CBL: variants seen among roughly 807,000 people sequenced by gnomAD.
CBL encodes the protein E3 ubiquitin-protein ligase CBL.
In CBL, 45 loss-of-function variants were observed where a neutral mutation model predicts 96.9. The observed-to-expected ratio is 0.46, with a 90% CI of 0.37 to 0.60. CBL has a LOEUF of 0.60. Ranked by LOEUF, CBL falls within the 20% of genes least tolerant of loss-of-function variation. CBL has a pLI of 0.00. For synonymous variants in CBL, 420 were observed against 426.8 expected, an observed-to-expected ratio of 0.98 and a Z score of 0.20; for missense variants, 1,024 against 1,143.5, an observed-to-expected ratio of 0.90 and a Z score of 1.51.
chr11:119,265,028 C>CA (rs1226250031), intron 2 of CBL, among the ~76,000 whole-genome samples: 1 of 151,874 alleles, frequency 6.6e-6, no homozygotes, highest in Non-Finnish European at 1.5e-5. Context: ...AGCTGTGCAC[C>CA]ACCATACCTG....
chr11:119,245,694 G>A (rs372120446), intron 2 of CBL, among the ~76,000 whole-genome samples: 15 of 152,108 alleles, frequency 9.9e-5, no homozygotes, highest in African/African-American at 2.4e-4. Context: ...GTGCCATTGC[G>A]CTCCAGCCTG....
At chr11:119,265,260 A>G (rs1266698919) in intron 2 of CBL, among the ~76,000 whole-genome samples, 4 of 152,196 alleles carry the variant, frequency 2.6e-5, no homozygotes, top group Non-Finnish European at 5.9e-5. Flanking sequence ...TCTTTAAACC[A>G]TTTTTAAGAG....
At chr11:119,299,430 T>A in intron 15 of CBL, 65 bp from the exon 16 acceptor site, 1 of 1,435,520 alleles carries the variant, frequency 7.0e-7, no homozygotes, top group Non-Finnish European at 9.8e-7. Context: ...TAGCACATTT[T>A]TATTGCTGTT....
intron 1 of CBL, among the ~76,000 whole-genome samples, chr11:119,224,585 TA>T (rs1320319698): frequency 6.6e-6 from 1 of 152,148 alleles, no homozygotes; most frequent in African/African-American, 2.4e-5. Context: ...AAGAAAACAT[TA>T]TTTTTTGTAT....
chr11:119,207,330 A>G (rs1462277274), intron 1 of CBL, among the ~76,000 whole-genome samples: 1 of 152,204 alleles, frequency 6.6e-6, no homozygotes, highest in Non-Finnish European at 1.5e-5. Context: ...TAGAACTATT[A>G]TCTTCTGAAA....
At chr11:119,230,052 T>C (rs1043894309) in intron 1 of CBL, among the ~76,000 whole-genome samples, 1 of 152,262 alleles carries the variant, frequency 6.6e-6, no homozygotes, top group South Asian at 2.1e-4. Flanking sequence ...TGGGGGGAGA[T>C]GGTTAAGATA....
At chr11:119,290,460 G>T (rs1380126941) in intron 12 of CBL, among the ~76,000 whole-genome samples, 1 of 150,746 alleles carries the variant, frequency 6.6e-6, no homozygotes, top group African/African-American at 2.4e-5. Context: ...GACCATCCTG[G>T]CTAATGCGGT....
chr11:119,276,838 C>T (rs1190937944), intron 6 of CBL, among the ~76,000 whole-genome samples: 1 of 152,210 alleles, frequency 6.6e-6, no homozygotes, highest in Non-Finnish European at 1.5e-5. Context: ...GTGGATCTCC[C>T]TGGTAGATGA....
chr11:119,284,525 C>T (rs1184138864), intron 9 of CBL, among the ~76,000 whole-genome samples: 3 of 152,170 alleles, frequency 2.0e-5, no homozygotes, highest in African/African-American at 7.2e-5. Context: ...TCTCGAACTC[C>T]TGCCTCCCAA....
intron 12 of CBL, among the ~76,000 whole-genome samples, chr11:119,294,803 A>AG (rs1239215449): frequency 3.3e-5 from 5 of 151,846 alleles, no homozygotes; most frequent in African/African-American, 4.8e-5. Context: ...AAGGAAAAAA[A>AG]AAAAAGGAAA....
chr11:119,274,983 C>A, intron 5 of CBL, 30 bp downstream of exon 5: 2 of 1,600,650 alleles, frequency 1.2e-6, no homozygotes, highest in Non-Finnish European at 1.7e-6. Flanking sequence ...GAGATTTATT[C>A]TTCTGAATTT....
intron 1 of CBL, among the ~76,000 whole-genome samples, chr11:119,216,903 A>T (rs549741365): frequency 6.6e-6 from 1 of 152,270 alleles, no homozygotes; most frequent in Non-Finnish European, 1.5e-5. Flanking sequence ...GAGAAATAGC[A>T]TTGATTGCCC....
In CBL at chr11:119,303,284, C is replaced by T. The variant is rs1950113873; in HGVS notation, c.*3503C>T. The T allele has an allele frequency of 2.1e-5, 5 of 232,666 alleles. No individual in the cohort carries two copies. The highest frequency in any genetic ancestry group is 1.1e-4 in the Admixed American group (2 of 17,752). The allele number at this position is 232,666 out of a possible 1,614,324, so 14.4% of individuals were successfully genotyped here. ...CTCAAACTATAAGTCCCTCTTCTTG[C>T]CGTTGGCCTTTCTGACTCTGGAATG... On this transcript the variant is annotated 3_prime_UTR_variant, in exon 16 of 16. Coordinates refer to ENST00000264033, the MANE Select transcript of CBL (RefSeq NM_005188.4).
rs142904236 is a variant in CBL, at chr11:119,263,437, G to GTGT, written c.444-8297_444-8295dup. ...TTCCCATTTACTTGGTGAGTTAGAT[G>GTGT]TGTCCCCTTTAGCTTTAGAATTCAG... On this transcript the variant is annotated intron_variant, in intron 2 of 15. Transcript: ENST00000264033. 4.4e-3 allele frequency among the ~76,000 whole-genome samples: 664 copies of GTGT among 152,290 alleles called. 5 individuals carry two copies. The highest frequency in any genetic ancestry group is 7.7e-3 in the Non-Finnish European group (526 of 68,016).
At position 119,251,916 on chromosome 11, in the gene CBL, G is replaced by A. The variant is rs574170029; in HGVS notation, c.443+19221G>A. Reference sequence around the variant, plus strand: ...TAAATTAGGACATCTTAAAGAACAAGCCCCAAAACTGGCTACAAGAACGTC... The same window carrying A: ...TAAATTAGGACATCTTAAAGAACAAACCCCAAAACTGGCTACAAGAACGTC... On this transcript the variant is annotated intron_variant, in intron 2 of 15. Transcript: ENST00000264033. 6.6e-5 allele frequency among the ~76,000 whole-genome samples: 10 copies of A among 152,206 alleles called. No individual in the cohort carries two copies. The South Asian group carries it at 2.1e-3, about 32-fold the overall frequency.
intron 12 of CBL, among the ~76,000 whole-genome samples, chr11:119,296,447 G>A (rs1226027025): frequency 6.6e-6 from 1 of 152,202 alleles, no homozygotes; most frequent in Non-Finnish European, 1.5e-5. Context: ...GCTAACTGCG[G>A]TCGCTTTATC....
chr11:119,216,447 C>T (rs900908365), intron 1 of CBL, among the ~76,000 whole-genome samples: 18 of 151,914 alleles, frequency 1.2e-4, no homozygotes, highest in African/African-American at 3.6e-4. Context: ...TCTCGGCTTA[C>T]TGCAACCTCC....
intron 12 of CBL, among the ~76,000 whole-genome samples, chr11:119,288,856 A>G (rs1950004646): frequency 6.6e-6 from 1 of 152,218 alleles, no homozygotes; most frequent in South Asian, 2.1e-4. Context: ...ACTGAGAATA[A>G]GGGCTTCAAC....
At chr11:119,262,311 A>G (rs146158530) in intron 2 of CBL, among the ~76,000 whole-genome samples, 25 of 152,330 alleles carry the variant, frequency 1.6e-4, no homozygotes, top group African/African-American at 5.8e-4. Context: ...GAGTAAATGT[A>G]AAGTGGTATC....
Sources: gnomAD v4.1 joint callset for allele counts (sites outside exome capture counted in the v4.1 genomes callset) on GRCh38, gnomAD v4.1.1 for gene constraint, MANE v1.5 for transcripts, NCBI Gene and HGNC (gene_info 2026-07-23, HGNC 2026-07-21) for gene names.